F7: variants seen among roughly 807,000 people sequenced by gnomAD.
The protein encoded by F7 is FVII coagulation protein.
A neutral mutation model predicts 47.5 loss-of-function variants in F7; 38 were observed. That is an observed-to-expected ratio of 0.80 (90% CI 0.62 to 1.05). The LOEUF (loss-of-function observed/expected upper bound fraction) is 1.05. F7 is among the 50% of genes least tolerant of loss of function. The pLI, the probability that F7 is intolerant of heterozygous loss-of-function variation, is 0.00. For synonymous variants in F7, 244 were observed against 258.5 expected, an observed-to-expected ratio of 0.94 and a Z score of 0.54; for missense variants, 575 against 605.4, an observed-to-expected ratio of 0.95 and a Z score of 0.53.
chr13:113,118,992 G>C lies in F7; in HGVS notation c.1319G>C (p.Arg440Pro). ...GAGCCACGCCCAGGAGTCCTCCTGCGAGCCCCATTTCCCTAGCCCAGCAGC... is the reference window on the plus strand; with the variant it reads ...GAGCCACGCCCAGGAGTCCTCCTGCCAGCCCCATTTCCCTAGCCCAGCAGC... Reference protein sequence around the residue: ...RSEPRPGVLLRAPFP With the variant: ...RSEPRPGVLLPAPFP Residue 440 changes from arginine (R) to proline (P), a missense_variant, in exon 8 of 8, where the codon CGA becomes CCA. Physicochemically the swap from Arg to Pro is moderately radical, Grantham distance 103. Coordinates refer to ENST00000346342, the MANE Select transcript of F7 (RefSeq NM_019616.4). 1 of 1,600,124 alleles carries C rather than the reference G, an allele frequency of 6.2e-7. No individual in the cohort carries two copies. Among genetic ancestry groups the C allele is most frequent in the Non-Finnish European group, 8.5e-7 (1 of 1,179,910 alleles).
intron 2 of F7, among the ~76,000 whole-genome samples, chr13:113,112,978 TCA>T (rs1246363491): frequency 6.7e-6 from 1 of 149,696 alleles, no homozygotes; most frequent in African/African-American, 2.5e-5. Context: ...CACTTCACAC[TCA>T]CAGGTCACAC....
Position 113,113,546 on chromosome 13 carries a change from G to A in F7, c.226-206G>A, listed in dbSNP as rs968234645. 1.3e-5 allele frequency among the ~76,000 whole-genome samples: 2 copies of A among 152,158 alleles called. No individual in the cohort carries two copies. The highest frequency in any genetic ancestry group is 2.4e-5 in the African/African-American group (1 of 41,426). On this transcript the variant is annotated intron_variant, in intron 2 of 7. Coordinates refer to ENST00000346342, the MANE Select transcript of F7 (RefSeq NM_019616.4). The surrounding 1 kb of genome is among the most constrained non-coding windows in gnomAD (Gnocchi z 4.1). The stretch of plus-strand genomic sequence containing the variant: ...TCTGACTTGGGAGCAGGAAATGTGT[G>A]GTCACCCATAGTTCCAGATGTCCTG...
rs121964928 is a variant in F7, at chr13:113,117,504, G to C, written c.647G>C (p.Cys216Ser). ...TTGTTGGTGAATGGAGCTCAGTTGT[G>C]TGGGGGGACCCTGATCAACACCATC... ...VLLLVNGAQL[C>S]GGTLINTIWV... The change falls in exon 7 of 8, where the codon TGT (cysteine) becomes TCT (serine). Residue 216 changes from cysteine to serine, a missense_variant. Physicochemically the swap from Cys to Ser is moderately radical, Grantham distance 112. Transcript: ENST00000346342. The C allele has an allele frequency of 6.2e-7, 1 of 1,614,070 alleles. No homozygotes were observed. The highest frequency in any genetic ancestry group is 8.5e-7 in the Non-Finnish European group (1 of 1,180,024).
chr13:113,111,000 C>T (rs2036082578), intron 2 of F7, 150 bp downstream of exon 2: 2 of 897,470 alleles, frequency 2.2e-6, no homozygotes, highest in South Asian at 3.9e-5. Context: ...GGGTCGCTTT[C>T]CGCCCGGGGT....
In F7 at chr13:113,110,849, CG is replaced by C. The variant is rs2036078828; in HGVS notation, c.225+1del. On this transcript the variant is annotated frameshift_variant and splice_region_variant, in exon 2 of 8. Coordinates refer to ENST00000346342, the MANE Select transcript of F7 (RefSeq NM_019616.4). LOFTEE classifies it high-confidence loss of function. ...GAGATCTTCAAGGACGCGGAGAGGA[CG>C]GTGAGCCCAGCCTCGGGGCGCCCCG... ...AREIFKDAER[T>X]KLFWISYSDG... 1.3e-6 allele frequency: 2 copies of C among 1,558,540 alleles called. No homozygotes were observed. The highest frequency in any genetic ancestry group is 1.7e-6 in the Non-Finnish European group (2 of 1,152,074).
chr13:113,118,504 C>G lies in F7; in HGVS notation c.831C>G (p.Thr277=). The G allele has an allele frequency of 1.9e-6, 3 of 1,611,084 alleles. No homozygotes were observed. The highest frequency in any genetic ancestry group is 2.5e-6 in the Non-Finnish European group (3 of 1,179,842). ...IIPSTYVPGT[T]NHDIALLRLH... ...CCAGCACGTACGTCCCGGGCACCACCAACCACGACATCGCGCTGCTCCGCC... is the reference window on the plus strand; with the variant it reads ...CCAGCACGTACGTCCCGGGCACCACGAACCACGACATCGCGCTGCTCCGCC... Residue 277 remains threonine, a synonymous_variant, in exon 8 of 8, where the codon ACC becomes ACG. Transcript: ENST00000346342.
At chr13:113,118,362 G>A (rs1296725817) in intron 7 of F7, 51 bp from the exon 8 acceptor site, 16 of 1,540,054 alleles carry the variant, frequency 1.0e-5, no homozygotes, top group African/African-American at 1.3e-5. Context: ...TGCACCAGGG[G>A]GTGAGGTGGC....
chr13:113,112,081 T>TCA (rs2036109965), intron 2 of F7, among the ~76,000 whole-genome samples: 1 of 133,486 alleles, frequency 7.5e-6, no homozygotes, highest in African/African-American at 2.9e-5. Context: ...CACTCACAGG[T>TCA]CACCTCACAC....
Position 113,113,701 on chromosome 13 carries a change from G to A in F7, c.226-51G>A. ...ATGGTGTGTCCAGTGCTTACCGTTGGGTGCTCTGGTGAAGGTGCATCTCAC... is the reference window on the plus strand; with the variant it reads ...ATGGTGTGTCCAGTGCTTACCGTTGAGTGCTCTGGTGAAGGTGCATCTCAC... On this transcript the variant is annotated intron_variant, in intron 2 of 7. Coordinates refer to ENST00000346342, the MANE Select transcript of F7 (RefSeq NM_019616.4). The surrounding 1 kb of genome is among the most constrained non-coding windows in gnomAD (Gnocchi z 4.1). 1.3e-6 allele frequency: 2 copies of A among 1,565,088 alleles called. No homozygotes were observed. The highest frequency in any genetic ancestry group is 1.8e-6 in the Non-Finnish European group (2 of 1,135,326).
rs762375256 is a variant in F7, at chr13:113,118,456, G to A, written c.783G>A (p.Arg261=). 6.2e-7 allele frequency: 1 copy of A among 1,606,280 alleles called. No individual in the cohort carries two copies. Among genetic ancestry groups the A allele is most frequent in the Admixed American group, 1.7e-5 (1 of 59,912 alleles). The change falls in exon 8 of 8, where the codon CGG becomes CGA. Residue 261 remains arginine, a synonymous_variant. Transcript: ENST00000346342. ...AGCACGACGGGGATGAGCAGAGCCG[G>A]CGGGTGGCGCAGGTCATCATCCCCA... ...LSEHDGDEQS[R]RVAQVIIPST... is the part of the protein sequence containing the mutation.
At chr13:113,116,914 G>T (rs1305708121) in intron 6 of F7, 39 bp downstream of exon 6, 1 of 1,505,314 alleles carries the variant, frequency 6.6e-7, no homozygotes, top group Admixed American at 1.7e-5. Flanking sequence ...AAGCCCTGAG[G>T]GTCTTGAAGC....
chr13:113,106,911 G>T, intron 1 of F7: 2 of 1,602,582 alleles, frequency 1.2e-6, no homozygotes, highest in Non-Finnish European at 1.7e-6. Context: ...CCTCACAGAG[G>T]TGAGCAGGGA....
In F7 at chr13:113,115,111, T is replaced by C. The variant is rs575815095; in HGVS notation, c.365-549T>C. Among the ~76,000 whole-genome samples, 7 of 152,340 alleles carry C rather than the reference T, an allele frequency of 4.6e-5. No homozygotes were observed. The South Asian group carries it at 1.4e-3, about 32-fold the overall frequency. On this transcript the variant is annotated intron_variant, in intron 4 of 7. Transcript: ENST00000346342. ...AGGCCTTCCCGCCGGAGTCCTGGAC[T>C]TGCTCAGGGCCACTCCCCTTGCCCA...
intron 4 of F7, 132 bp from the exon 5 acceptor site, chr13:113,115,528 G>A: frequency 1.0e-6 from 1 of 979,700 alleles, no homozygotes; most frequent in Non-Finnish European, 1.6e-6. Flanking sequence ...CCAAGCTCAG[G>A]CTCTGTCACC....
At chr13:113,111,522 C>T (rs1326974356) in intron 2 of F7, among the ~76,000 whole-genome samples, 1 of 27,124 alleles carries the variant, frequency 3.7e-5, no homozygotes, top group Non-Finnish European at 7.3e-5. Context: ...CACAGGTCAC[C>T]TCACACTCAC....
rs1298750256 is a variant in F7 at position 113,110,951 on chromosome 13, G to C, written c.225+101G>C. 5.2e-6 allele frequency: 7 copies of C among 1,352,038 alleles called. No individual in the cohort carries two copies. The East Asian group carries it at 2.0e-4, about 39-fold the overall frequency. 83.8% of individuals were successfully genotyped at this position (1,352,038 alleles called of 1,614,324 possible). ...CGTCTCTTTGGCTGCGGCTGTGGGC[G>C]GCGAACACGCAGCGGCGCCCGCGCG... On this transcript the variant is annotated intron_variant, in intron 2 of 7. Transcript: ENST00000346342.
chr13:113,113,787 G>A lies in F7; in HGVS notation c.250+11G>A. Reference sequence around the variant, plus strand: ...GGATTTCTTACAGTGGTGAGTGGATGATCACCACCAGTCCTGCCTGCAACC... The same window carrying A: ...GGATTTCTTACAGTGGTGAGTGGATAATCACCACCAGTCCTGCCTGCAACC... On this transcript the variant is annotated intron_variant, in intron 3 of 7. Transcript: ENST00000346342. This position sits in a 1 kb window ranked among gnomAD's most constrained non-coding sequence, Gnocchi z 4.1. The A allele has an allele frequency of 1.2e-6, 2 of 1,614,186 alleles. No individual in the cohort carries two copies. Among genetic ancestry groups the A allele is most frequent in the Non-Finnish European group, 1.7e-6 (2 of 1,180,040 alleles).
intron 4 of F7, among the ~76,000 whole-genome samples, chr13:113,115,117 A>G (rs925109256): frequency 1.3e-5 from 2 of 152,156 alleles, no homozygotes; most frequent in African/African-American, 2.4e-5. Flanking sequence ...GGACTTGCTC[A>G]GGGCCACTCC....
At chr13:113,106,005 C>A in intron 1 of F7, 100 bp downstream of exon 1, 1 of 1,015,518 alleles carries the variant, frequency 9.8e-7, no homozygotes, top group Non-Finnish European at 1.4e-6. Context: ...GCTCCGGACA[C>A]CCCCATCCAC....
Sources: gnomAD v4.1 joint callset for allele counts (sites outside exome capture counted in the v4.1 genomes callset) on GRCh38, gnomAD v4.1.1 for gene constraint, Gnocchi (gnomAD v3.1) non-coding constraint, MANE v1.5 for transcripts, NCBI Gene and HGNC (gene_info 2026-07-23, HGNC 2026-07-21) for gene names.